Variants in ZNF831 observed in about 807,000 individuals in gnomAD.
ZNF831 encodes the protein zinc finger protein 831.
A neutral mutation model predicts 95.8 loss-of-function variants in ZNF831; 59 were observed. The observed-to-expected ratio is 0.62, with a 90% CI of 0.50 to 0.77. The LOEUF (loss-of-function observed/expected upper bound fraction) is 0.77, where lower values mean the gene tolerates loss of function less well. Among genes scored for constraint, ZNF831 ranks in the 30% least tolerant of loss-of-function variants. The pLI, the probability that ZNF831 is intolerant of heterozygous loss-of-function variation, is 0.00. For missense variants in ZNF831, 2,205 were observed against 2,164.0 expected (o/e 1.02, Z -0.38); for synonymous variants, 961 against 925.5 (o/e 1.04, Z -0.70).
At chr20:59,245,512 G>A (rs1987548844) in intron 4 of ZNF831, among the ~76,000 whole-genome samples, 1 of 152,128 alleles carries the variant, frequency 6.6e-6, no homozygotes, top group African/African-American at 2.4e-5. Flanking sequence ...GACATTTGGC[G>A]ACACTCCATT....
At position 59,254,381 on chromosome 20, in the gene ZNF831, C is replaced by A. The variant is rs1988071459; in HGVS notation, c.4672C>A (p.Pro1558Thr). ...SSGQRISDSV[P>T]LESTEKTHLE... ...TGGACAAAGAATTTCAGATTCGGTT[C>A]CACTGGAGTCAACTGAAAAAACTCA... Residue 1558 changes from proline (P) to threonine (T), a missense_variant, in exon 6 of 6, where the codon CCA (proline) becomes ACA (threonine). Pro to Thr is a conservative substitution (Grantham distance 38). Transcript: ENST00000371030. The surrounding 1 kb of genome is among the most constrained non-coding windows in gnomAD (Gnocchi z 4.5). The A allele has an allele frequency of 6.2e-7, 1 of 1,613,982 alleles. No homozygotes were observed. The highest frequency in any genetic ancestry group is 1.3e-5 in the African/African-American group (1 of 74,892).
rs766213140 is a variant in ZNF831 at position 59,192,183 on chromosome 20, C to T, written c.1164C>T (p.Ala388=). The change falls in exon 2 of 6, where the codon GCC becomes GCT. Residue 388 remains alanine, a synonymous_variant. Coordinates refer to ENST00000371030, the MANE Select transcript of ZNF831 (RefSeq NM_178457.3). This position sits in a 1 kb window ranked among gnomAD's most constrained non-coding sequence, Gnocchi z 5.2. ...GCCCGGGGCCAGGGGTCGCAGGGGC[C>T]GAGCCCGGGGCGCGAGAAGCCGGCC... ...GPGPGPGVAG[A]EPGAREAGLE... is the part of the protein sequence containing the mutation. 5 of 1,568,720 alleles carry T rather than the reference C, an allele frequency of 3.2e-6. No individual in the cohort carries two copies. The highest frequency in any genetic ancestry group is 2.7e-5 in the African/African-American group (2 of 73,660).
intron 1 of ZNF831, among the ~76,000 whole-genome samples, chr20:59,175,442 C>T (rs1370057572): frequency 6.6e-6 from 1 of 151,358 alleles, no homozygotes; most frequent in East Asian, 1.9e-4. Flanking sequence ...TAATTTTCAT[C>T]CTGTTTTCTC....
At chr20:59,174,665 T>C (rs1344799460) in intron 1 of ZNF831, among the ~76,000 whole-genome samples, 1 of 152,024 alleles carries the variant, frequency 6.6e-6, no homozygotes, top group Non-Finnish European at 1.5e-5. Context: ...CAGTGATCCA[T>C]GTACGCACCA....
intron 1 of ZNF831, among the ~76,000 whole-genome samples, chr20:59,177,283 A>G (rs1337508533): frequency 6.6e-6 from 1 of 152,256 alleles, no homozygotes; most frequent in African/African-American, 2.4e-5. Flanking sequence ...TCCATTTTGC[A>G]GATGAGGAAA....
chr20:59,191,899 A>G lies in ZNF831; in HGVS notation c.880A>G (p.Ser294Gly), dbSNP rs377417965. The change falls in exon 2 of 6, where the codon AGC becomes GGC. Residue 294 changes from serine (S) to glycine (G), a missense_variant. Coordinates refer to ENST00000371030, the MANE Select transcript of ZNF831 (RefSeq NM_178457.3). The stretch of plus-strand genomic sequence containing the variant: ...GGCGTCACCTGGGCTCCCAGCGGCC[A>G]GCACACAACCCTGGCGTAAGTTGCC... The part of the protein sequence containing the change: ...PMASPGLPAA[S>G]TQPWRKLPEQ... The G allele has an allele frequency of 8.7e-6, 14 of 1,612,822 alleles. No individual in the cohort carries two copies. Among genetic ancestry groups the G allele is most frequent in the African/African-American group, 1.3e-5 (1 of 75,060 alleles).
chr20:59,181,427 T>C (rs1982608468), intron 1 of ZNF831, among the ~76,000 whole-genome samples: 1 of 152,254 alleles, frequency 6.6e-6, no homozygotes, highest in Non-Finnish European at 1.5e-5. Context: ...TTTTGGTGTT[T>C]TAGTCATAAA....
chr20:59,227,115 T>TA (rs1185655858), intron 4 of ZNF831, among the ~76,000 whole-genome samples: 1 of 152,362 alleles, frequency 6.6e-6, no homozygotes, highest in East Asian at 1.9e-4. Flanking sequence ...AAATTTGTGT[T>TA]AAAGGTTCCC....
rs1302103364 is a variant in ZNF831, at chr20:59,193,834, C to T, written c.2815C>T (p.Pro939Ser). Reference sequence around the variant, plus strand: ...TGCCCTGGCAGATAATGCCTTTTCCCCCAAGTACCTCCTCAGGTTACCTCA... The same window carrying T: ...TGCCCTGGCAGATAATGCCTTTTCCTCCAAGTACCTCCTCAGGTTACCTCA... ...LSALADNAFS[P>S]KYLLRLPQAE... The change falls in exon 2 of 6, where the codon CCC becomes TCC. Residue 939 changes from proline (P) to serine (S), a missense_variant. Transcript: ENST00000371030. 6.2e-7 allele frequency: 1 copy of T among 1,613,308 alleles called. No individual in the cohort carries two copies. Among genetic ancestry groups the T allele is most frequent in the Non-Finnish European group, 8.5e-7 (1 of 1,179,610 alleles).
chr20:59,143,955 A>G lies in ZNF831; in HGVS notation c.-1424-2276A>G, dbSNP rs149080321. On this transcript the variant is annotated intron_variant, in intron 1 of 7. Transcript: ENST00000637017. ...ATGGATTCTATAAAATGCTCTAATT[A>G]CCAGTGATTATCCGCTGAGTGCTCG... Among the ~76,000 whole-genome samples the G allele has an allele frequency of 7.8e-3, 1,187 of 152,356 alleles. 15 individuals are homozygous for G. The highest frequency in any genetic ancestry group is 0.012 in the Admixed American group (190 of 15,310).
At chr20:59,215,309 GC>G (rs1345004507) in intron 4 of ZNF831, among the ~76,000 whole-genome samples, 1 of 152,180 alleles carries the variant, frequency 6.6e-6, no homozygotes, top group Non-Finnish European at 1.5e-5. Flanking sequence ...GCTGAGCATG[GC>G]CCTGTGCCCA....
At chr20:59,216,033 A>C (rs970158395) in intron 4 of ZNF831, among the ~76,000 whole-genome samples, 24 of 152,186 alleles carry the variant, frequency 1.6e-4, no homozygotes, top group African/African-American at 5.5e-4. Context: ...CCTTAATCAG[A>C]AGATTAAAAG....
At chr20:59,235,312 CT>C (rs1249274481) in intron 4 of ZNF831, among the ~76,000 whole-genome samples, 1 of 152,150 alleles carries the variant, frequency 6.6e-6, no homozygotes, top group African/African-American at 2.4e-5. Context: ...TCTTGGGAGA[CT>C]TTTGACCCAC....
chr20:59,170,373 G>A (rs1469466070), intron 1 of ZNF831, among the ~76,000 whole-genome samples: 3 of 152,082 alleles, frequency 2.0e-5, no homozygotes, highest in Non-Finnish European at 4.4e-5. Context: ...ATTACCCTGG[G>A]GGCTTCCTCT....
intron 1 of ZNF831, among the ~76,000 whole-genome samples, chr20:59,182,095 C>T (rs946240441): frequency 3.3e-5 from 5 of 152,142 alleles, no homozygotes; most frequent in Admixed American, 1.3e-4. Flanking sequence ...CATCTCTCAG[C>T]GCCTTATTCC....
At chr20:59,129,697 C>T (rs907882085) in intron 1 of ZNF831, among the ~76,000 whole-genome samples, 1 of 152,160 alleles carries the variant, frequency 6.6e-6, no homozygotes, top group Non-Finnish European at 1.5e-5. Context: ...CCTTCATGGT[C>T]GTAGCCCACC....
chr20:59,258,519 A>G lies in ZNF831; in HGVS notation c.*3776A>G, dbSNP rs1988280665. The G allele has an allele frequency of 6.6e-6, 1 of 152,572 alleles. No individual in the cohort carries two copies. The highest frequency in any genetic ancestry group is 2.4e-5 in the African/African-American group (1 of 41,436). The allele number at this position is 152,572 out of a possible 1,614,324, so 9.5% of individuals were successfully genotyped here. A position where few individuals can be genotyped will look rare whatever the true frequency, so the allele number is the denominator to read the frequency against. On this transcript the variant is annotated 3_prime_UTR_variant, in exon 6 of 6. Coordinates refer to ENST00000371030, the MANE Select transcript of ZNF831 (RefSeq NM_178457.3). ...TATGGAAACTGTCATCATTATCGGA[A>G]TGTGCTGCTGCTCAACTCCCCAGAC...
intron 1 of ZNF831, among the ~76,000 whole-genome samples, chr20:59,176,704 G>C (rs972230688): frequency 1.1e-4 from 16 of 152,288 alleles, no homozygotes; most frequent in Admixed American, 5.2e-4. Context: ...CAGTTTAAGA[G>C]GTAGGGTTAA....
At chr20:59,229,438 C>A (rs1986609942) in intron 4 of ZNF831, among the ~76,000 whole-genome samples, 1 of 152,158 alleles carries the variant, frequency 6.6e-6, no homozygotes. Context: ...ATGGGAAAAT[C>A]AGCCCCACCT....
Sources: allele counts gnomAD v4.1 joint callset (sites outside exome capture counted in the v4.1 genomes callset), GRCh38; gene constraint gnomAD v4.1.1; non-coding constraint Gnocchi (gnomAD v3.1); transcripts MANE v1.5; gene names NCBI Gene and HGNC (gene_info 2026-07-23, HGNC 2026-07-21).